COL18A1: variants seen among roughly 807,000 people sequenced by gnomAD.
COL18A1 encodes the protein collagen type XVIII alpha 1 chain, also known as collagen alpha-1(XVIII) chain.
In COL18A1, 133 loss-of-function variants were observed where a neutral mutation model predicts 168.0. The ratio of observed to expected loss-of-function variants is 0.79; its 90% CI spans 0.69 to 0.91. The LOEUF is 0.91. Among genes scored for constraint, COL18A1 ranks in the 40% least tolerant of loss-of-function variants. The probability of loss-of-function intolerance (pLI) is 0.00; values close to 1 mark genes in which losing one functional copy is unlikely to be tolerated. For missense variants in COL18A1, 2,126 were observed against 1,925.4 expected, an observed-to-expected ratio of 1.10 and a Z score of -1.95; for synonymous variants, 949 against 809.0, an observed-to-expected ratio of 1.17 and a Z score of -2.94.
rs1255395375 is a variant in COL18A1 at position 45,468,877 on chromosome 21, C to T, written c.651+91C>T. The T allele has an allele frequency of 1.5e-5, 20 of 1,328,912 alleles. No homozygotes were observed. In the Admixed American group the frequency reaches 2.3e-4, roughly 15 times the overall value. The allele number at this position is 1,328,912 out of a possible 1,614,324, so 82.3% of individuals were successfully genotyped here. A position where few individuals can be genotyped will look rare whatever the true frequency, so the allele number is the denominator to read the frequency against. ...ACTGGGACAGGGACGGAGCTGTGGC[C>T]GGAAGAGGAGAGCCCCCACCCCAGC... On this transcript the variant is annotated intron_variant, in intron 3 of 41. Transcript: ENST00000651438.
intron 39 of COL18A1, 27 bp downstream of exon 39, chr21:45,509,628 G>A (rs761483072): frequency 2.2e-4 from 260 of 1,202,260 alleles, no homozygotes; most frequent in Non-Finnish European, 2.4e-4. Flanking sequence ...AGTGGGCTTG[G>A]CTCCATCTAG....
In COL18A1 at chr21:45,509,293, CAGAT is replaced by C. The variant is rs2037430478; in HGVS notation, c.3250-62_3250-59del. 9 of 1,532,458 alleles carry C rather than the reference CAGAT, an allele frequency of 5.9e-6. No individual in the cohort carries two copies. In the Admixed American group the frequency reaches 5.9e-5, roughly 10 times the overall value. 94.9% of individuals were successfully genotyped at this position (1,532,458 alleles called of 1,614,324 possible). A position where few individuals can be genotyped will look rare whatever the true frequency, so the allele number is the denominator to read the frequency against. On this transcript the variant is annotated intron_variant, in intron 38 of 41. Coordinates refer to ENST00000651438, the MANE Select transcript of COL18A1 (RefSeq NM_001379500.1). ...CTCTCACCCAGCCCAGAGGAGGACA[CAGAT>C]GGAGGAGGGGCACCCGGAGGGTCCC... is the stretch of plus-strand genomic sequence containing the variant.
intron 2 of COL18A1, among the ~76,000 whole-genome samples, chr21:45,436,058 G>T (rs1195549896): frequency 2.0e-5 from 3 of 152,214 alleles, no homozygotes; most frequent in Non-Finnish European, 2.9e-5. Flanking sequence ...CATCTTCTGG[G>T]TGCGTTTATA....
intron 16 of COL18A1, among the ~76,000 whole-genome samples, chr21:45,487,221 G>A (rs1052033868): frequency 4.6e-5 from 7 of 152,070 alleles, no homozygotes; most frequent in African/African-American, 1.7e-4. Flanking sequence ...CCCAGCACCC[G>A]TGCCCTGACC....
In COL18A1 at chr21:45,509,481, C is replaced by T. The variant is rs1314331608; in HGVS notation, c.3375C>T (p.Pro1125=). 2.0e-6 allele frequency: 3 copies of T among 1,525,442 alleles called. No homozygotes were observed. Among genetic ancestry groups the T allele is most frequent in the Admixed American group, 3.8e-5 (2 of 52,610 alleles). The allele number at this position is 1,525,442 out of a possible 1,614,324, so 94.5% of individuals were successfully genotyped here. ...PWRADDILAS[P]PRLPEPQPYP... is the part of the protein sequence containing the mutation. ...GGGCAGATGACATCCTGGCCAGCCC[C>T]CCTCGCCTGCCCGAGCCCCAGCCCT... Residue 1125 remains proline, a synonymous_variant, in exon 39 of 42, where the codon CCC becomes CCT. Transcript: ENST00000651438.
At position 45,505,264 on chromosome 21, in the gene COL18A1, G is replaced by A. The variant is rs748117241; in HGVS notation, c.2999G>A (p.Gly1000Asp). 2 of 1,607,560 alleles carry A rather than the reference G, an allele frequency of 1.2e-6. No homozygotes were observed. The highest frequency in any genetic ancestry group is 1.7e-6 in the Non-Finnish European group (2 of 1,176,446). Residue 1000 changes from glycine (G) to aspartate (D), a missense_variant, in exon 35 of 42, where the codon GGC (glycine) becomes GAC (aspartate). By Grantham distance (94) the Gly-to-Asp change is moderately conservative (BLOSUM62 -1). Coordinates refer to ENST00000651438, the MANE Select transcript of COL18A1 (RefSeq NM_001379500.1). Reference sequence around the variant, plus strand: ...CCCCCAGGGCCCCCTTCATTTCCTGGCCCTCACAGGCAGAGTAAGTCAGTG... The same window carrying A: ...CCCCCAGGGCCCCCTTCATTTCCTGACCCTCACAGGCAGAGTAAGTCAGTG... ...PGPPGPPSFP[G>D]PHRQTISVPG...
At chr21:45,503,897 C>T in intron 32 of COL18A1, 114 bp from the exon 33 acceptor site, 1 of 1,065,418 alleles carries the variant, frequency 9.4e-7, no homozygotes, top group Non-Finnish European at 1.5e-6. Flanking sequence ...GCGATCTCTA[C>T]CGCGAAATGG....
At position 45,480,797 on chromosome 21, in the gene COL18A1, G is replaced by A; in HGVS notation, c.1550G>A (p.Gly517Glu). The A allele has an allele frequency of 6.2e-7, 1 of 1,611,548 alleles. No homozygotes were observed. The highest frequency in any genetic ancestry group is 1.1e-5 in the South Asian group (1 of 91,038). ...GGGGTGAACAGCTCCGACGTCCCAG[G>A]ACCCGCCGGCCTTCCTGGTGTGCCT... ...RFGVNSSDVP[G>E]PAGLPGVPGR... Residue 517 changes from glycine (G) to glutamate (E), a missense_variant, in exon 13 of 42, where the codon GGA (glycine) becomes GAA (glutamate). Transcript: ENST00000651438.
chr21:45,440,975 G>A (rs1024375662), intron 2 of COL18A1, among the ~76,000 whole-genome samples: 15 of 152,182 alleles, frequency 9.9e-5, no homozygotes, highest in Non-Finnish European at 1.9e-4. Flanking sequence ...TCACTCATAG[G>A]AGGCTCAGCA....
intron 15 of COL18A1, among the ~76,000 whole-genome samples, chr21:45,486,394 C>G (rs1021332252): frequency 6.8e-5 from 8 of 117,368 alleles, no homozygotes; most frequent in Non-Finnish European, 1.2e-4. Context: ...CTCTTCTCCC[C>G]TCGCCTGCCC....
chr21:45,406,500 CTTG>C (rs1569271038), intron 2 of COL18A1, among the ~76,000 whole-genome samples: 1 of 152,172 alleles, frequency 6.6e-6, no homozygotes, highest in Admixed American at 6.5e-5. Flanking sequence ...AAAACACCTG[CTTG>C]TTGAGTCGTA....
chr21:45,489,465 G>A (rs550451502), intron 18 of COL18A1, 21 bp from the exon 19 acceptor site: 24 of 1,582,958 alleles, frequency 1.5e-5, no homozygotes, highest in African/African-American at 4.0e-5. Context: ...AGGTGCTCAC[G>A]GAGCCCCTTT....
At chr21:45,444,635 G>A (rs1182746485) in intron 2 of COL18A1, among the ~76,000 whole-genome samples, 1 of 152,124 alleles carries the variant, frequency 6.6e-6, no homozygotes, top group African/African-American at 2.4e-5. Flanking sequence ...GGTCGTGCAG[G>A]GCGAGAGAGG....
rs778364546 is a variant in COL18A1 at position 45,505,262 on chromosome 21, T to C, written c.2997T>C (p.Pro999=). Residue 999 remains proline, a synonymous_variant, in exon 35 of 42, where the codon CCT becomes CCC. Coordinates refer to ENST00000651438, the MANE Select transcript of COL18A1 (RefSeq NM_001379500.1). ...GCCCCCCAGGGCCCCCTTCATTTCC[T>C]GGCCCTCACAGGCAGAGTAAGTCAG... ...PPGPPGPPSF[P]GPHRQTISVP... 3 of 1,607,738 alleles carry C rather than the reference T, an allele frequency of 1.9e-6. No homozygotes were observed. In the Admixed American group the frequency reaches 5.0e-5, roughly 27 times the overall value.
At chr21:45,442,505 A>G (rs942330852) in intron 2 of COL18A1, among the ~76,000 whole-genome samples, 14 of 152,134 alleles carry the variant, frequency 9.2e-5, no homozygotes, top group African/African-American at 2.7e-4. Flanking sequence ...ACTCCTGGAC[A>G]TCGTAGTCTC....
intron 2 of COL18A1, among the ~76,000 whole-genome samples, chr21:45,459,778 C>T (rs1029086253): frequency 2.6e-5 from 4 of 152,072 alleles, no homozygotes; most frequent in Admixed American, 6.5e-5. Context: ...AGTGAGCGAG[C>T]GGGGCTTGGG....
chr21:45,491,310 A>G lies in COL18A1; in HGVS notation c.2153A>G (p.Gln718Arg). 1 of 1,610,248 alleles carries G rather than the reference A, an allele frequency of 6.2e-7. No homozygotes were observed. The highest frequency in any genetic ancestry group is 8.5e-7 in the Non-Finnish European group (1 of 1,178,146). ...GGACCTGTGGTCTACGTGTCGGAGC[A>G]GGACGTAAGGACGCTGCGTGGGTGG... ...PPGPVVYVSEQDGSVLSVPGP... is the reference protein window; with the variant it reads ...PPGPVVYVSERDGSVLSVPGP... Residue 718 changes from glutamine (Q) to arginine (R), a missense_variant, in exon 22 of 42, where the codon CAG becomes CGG. Coordinates refer to ENST00000651438, the MANE Select transcript of COL18A1 (RefSeq NM_001379500.1).
At chr21:45,438,526 C>T (rs1197849593) in intron 2 of COL18A1, among the ~76,000 whole-genome samples, 1 of 152,270 alleles carries the variant, frequency 6.6e-6, no homozygotes, top group Non-Finnish European at 1.5e-5. Flanking sequence ...GTTTACTTTT[C>T]CTGCCGGCTG....
At position 45,476,341 on chromosome 21, in the gene COL18A1, C is replaced by T. The variant is rs370247182; in HGVS notation, c.799-10C>T. ...CCGAATAACAGGCCACCTCCCCTCTCGTCCTCCAGGGCGCGGCCCTAAAAC... is the reference window on the plus strand; with the variant it reads ...CCGAATAACAGGCCACCTCCCCTCTTGTCCTCCAGGGCGCGGCCCTAAAAC... On this transcript the variant is annotated splice_polypyrimidine_tract_variant and intron_variant, in intron 5 of 41. Coordinates refer to ENST00000651438, the MANE Select transcript of COL18A1 (RefSeq NM_001379500.1). The T allele has an allele frequency of 8.9e-5, 144 of 1,613,900 alleles. No homozygotes were observed. The highest frequency in any genetic ancestry group is 1.1e-4 in the Non-Finnish European group (131 of 1,179,932).
Sources: gnomAD v4.1 joint callset for allele counts (sites outside exome capture counted in the v4.1 genomes callset) on GRCh38, gnomAD v4.1.1 for gene constraint, MANE v1.5 for transcripts, NCBI Gene and HGNC (gene_info 2026-07-23, HGNC 2026-07-21) for gene names.